KCTD16: variants seen among roughly 807,000 people sequenced by gnomAD.
KCTD16 encodes the protein BTB/POZ domain-containing protein KCTD16.
KCTD16 carries 13 observed loss-of-function variants against 33.2 expected under a neutral mutation model. That is an observed-to-expected ratio of 0.39 (90% CI 0.25 to 0.62). The LOEUF (loss-of-function observed/expected upper bound fraction) is 0.62, where lower values mean the gene tolerates loss of function less well. Among genes scored for constraint, KCTD16 ranks in the 20% least tolerant of loss-of-function variants. The pLI, the probability that KCTD16 is intolerant of heterozygous loss-of-function variation, is 0.50. For missense variants in KCTD16, 441 were observed against 525.1 expected, an observed-to-expected ratio of 0.84 and a Z score of 1.57; for synonymous variants, 197 against 195.3, an observed-to-expected ratio of 1.01 and a Z score of -0.07.
chr5:144,449,770 C>G (rs1336470006), intron 3 of KCTD16, among the ~76,000 whole-genome samples: 1 of 151,866 alleles, frequency 6.6e-6, no homozygotes, highest in Non-Finnish European at 1.5e-5. Flanking sequence ...TAAATTGGAC[C>G]TCTATCTTAC....
chr5:144,431,565 T>A (rs1753463605), intron 3 of KCTD16, among the ~76,000 whole-genome samples: 1 of 152,124 alleles, frequency 6.6e-6, no homozygotes, highest in Non-Finnish European at 1.5e-5. Flanking sequence ...CTGGAATGTG[T>A]TTAAATGCAG....
Position 144,173,701 on chromosome 5 carries a change from T to G in KCTD16, c.-492-606T>G, listed in dbSNP as rs542643022. Among the ~76,000 whole-genome samples the G allele has an allele frequency of 1.4e-4, 21 of 152,268 alleles. No individual in the cohort carries two copies. The South Asian group carries it at 3.1e-3, about 23-fold the overall frequency. ...TTCTACTTCTGTCTCTGAAAGCAAT[T>G]AACGTATTTATTTAAATTTTCCCCT... is the stretch of plus-strand genomic sequence containing the variant. On this transcript the variant is annotated intron_variant, in intron 1 of 3. Transcript: ENST00000512467.
At chr5:144,348,512 A>G (rs780914927) in intron 3 of KCTD16, among the ~76,000 whole-genome samples, 5 of 152,166 alleles carry the variant, frequency 3.3e-5, no homozygotes, top group African/African-American at 4.8e-5. Context: ...ACTTCAGCCT[A>G]TTGAGCGGGT....
intron 3 of KCTD16, among the ~76,000 whole-genome samples, chr5:144,259,683 A>G (rs887160886): frequency 6.6e-6 from 1 of 152,172 alleles, no homozygotes; most frequent in African/African-American, 2.4e-5. Flanking sequence ...ATGCTCAGGA[A>G]ATGTTTGATG....
At chr5:144,360,436 CTT>C (rs79948952) in intron 3 of KCTD16, among the ~76,000 whole-genome samples, 3 of 144,262 alleles carry the variant, frequency 2.1e-5, no homozygotes, top group Admixed American at 7.0e-5. Flanking sequence ...GAATTCATCC[CTT>C]TTTTTTTTTT....
chr5:144,348,926 G>C (rs1037378548), intron 3 of KCTD16, among the ~76,000 whole-genome samples: 2 of 152,164 alleles, frequency 1.3e-5, no homozygotes, highest in African/African-American at 4.8e-5. Flanking sequence ...ATTTGGAAGA[G>C]AGAGTAGGTT....
intron 3 of KCTD16, among the ~76,000 whole-genome samples, chr5:144,294,346 A>ATGG (rs1315635428): frequency 1.3e-5 from 2 of 152,238 alleles, no homozygotes; most frequent in Non-Finnish European, 2.9e-5. Context: ...AATCAAAGAT[A>ATGG]TGGTGGTAAC....
At chr5:144,401,909 AG>A (rs1365764495) in intron 3 of KCTD16, among the ~76,000 whole-genome samples, 1 of 152,214 alleles carries the variant, frequency 6.6e-6, no homozygotes, top group Non-Finnish European at 1.5e-5. Context: ...GTATGAATCT[AG>A]GCATGTTGGA....
chr5:144,274,827 A>G (rs1755398017), intron 3 of KCTD16, among the ~76,000 whole-genome samples: 1 of 152,110 alleles, frequency 6.6e-6, no homozygotes, highest in Non-Finnish European at 1.5e-5. Context: ...TTCTATCTTT[A>G]AGGCTCCCAG....
chr5:144,212,970 A>G (rs528567468), intron 3 of KCTD16, among the ~76,000 whole-genome samples: 1 of 152,256 alleles, frequency 6.6e-6, no homozygotes, highest in African/African-American at 2.4e-5. Context: ...CAAATCCCAG[A>G]CATCAATTCA....
chr5:144,182,640 C>A (rs979465493), intron 2 of KCTD16, among the ~76,000 whole-genome samples: 2 of 151,876 alleles, frequency 1.3e-5, no homozygotes, highest in Non-Finnish European at 2.9e-5. Context: ...GGTGCTTTTA[C>A]CACACACACA....
At chr5:144,418,514 A>G (rs1753135892) in intron 3 of KCTD16, among the ~76,000 whole-genome samples, 1 of 152,114 alleles carries the variant, frequency 6.6e-6, no homozygotes, top group Non-Finnish European at 1.5e-5. Flanking sequence ...AGCTAGACAG[A>G]AAAGTTCTCC....
At chr5:144,284,421 G>A (rs6867369) in intron 3 of KCTD16, among the ~76,000 whole-genome samples, 1,554 of 152,286 alleles carry the variant, frequency 0.01, 25 homozygotes, top group African/African-American at 0.034. Flanking sequence ...TCGCAGCGTG[G>A]CTTAGAAGCC....
chr5:144,284,046 T>C (rs1755675801), intron 3 of KCTD16, among the ~76,000 whole-genome samples: 1 of 152,174 alleles, frequency 6.6e-6, no homozygotes, highest in Non-Finnish European at 1.5e-5. Flanking sequence ...TTCTTTTAGG[T>C]GGATTATTCT....
intron 3 of KCTD16, among the ~76,000 whole-genome samples, chr5:144,418,394 T>C (rs1753132153): frequency 6.6e-6 from 1 of 152,172 alleles, no homozygotes; most frequent in African/African-American, 2.4e-5. Flanking sequence ...GAGTGCTGAT[T>C]GGTCTGTTTT....
At chr5:144,297,864 A>G (rs1300948399) in intron 3 of KCTD16, among the ~76,000 whole-genome samples, 1 of 152,204 alleles carries the variant, frequency 6.6e-6, no homozygotes, top group African/African-American at 2.4e-5. Context: ...CTCCCTTTGT[A>G]TGGGAGCTCT....
chr5:144,417,883 G>A (rs1176571297), intron 3 of KCTD16, among the ~76,000 whole-genome samples: 1 of 152,068 alleles, frequency 6.6e-6, no homozygotes, highest in Non-Finnish European at 1.5e-5. Context: ...GTGGATTCCT[G>A]GTCTTGCTGA....
At chr5:144,251,645 A>G (rs1255642098) in intron 3 of KCTD16, among the ~76,000 whole-genome samples, 4 of 152,214 alleles carry the variant, frequency 2.6e-5, no homozygotes, top group Non-Finnish European at 5.9e-5. Flanking sequence ...GCTTTTCTTC[A>G]GGAGTTTCCT....
chr5:144,215,188 C>T (rs1017458441), intron 3 of KCTD16, among the ~76,000 whole-genome samples: 1 of 152,166 alleles, frequency 6.6e-6, no homozygotes, highest in African/African-American at 2.4e-5. Flanking sequence ...GATTCTAGCT[C>T]TAGGGAACTG....
Sources: allele counts gnomAD v4.1 joint callset (sites outside exome capture counted in the v4.1 genomes callset), GRCh38; gene constraint gnomAD v4.1.1; transcripts MANE v1.5; gene names NCBI Gene and HGNC (gene_info 2026-07-23, HGNC 2026-07-21).